Variants in TBC1D16 observed in about 807,000 individuals in gnomAD.
The protein encoded by TBC1D16 is TBC1 domain family member 16, also known as CTD-2529O21.1.
Under a neutral mutation model 74.7 loss-of-function variants are expected in TBC1D16, and 58 were observed. The observed-to-expected ratio is 0.78, with a 90% CI of 0.63 to 0.97. The LOEUF (loss-of-function observed/expected upper bound fraction) is 0.97. Among genes scored for constraint, TBC1D16 ranks in the 50% least tolerant of loss-of-function variants. The probability of loss-of-function intolerance (pLI) is 0.00; values close to 1 mark genes in which losing one functional copy is unlikely to be tolerated. For synonymous variants in TBC1D16, 493 were observed against 474.7 expected (o/e 1.04, Z -0.50); for missense variants, 1,014 against 1,079.5 (o/e 0.94, Z 0.85).
chr17:80,010,552 C>T lies in TBC1D16; in HGVS notation c.387G>A (p.Glu129=). Residue 129 remains glutamate, a synonymous_variant, in exon 3 of 12, where the codon GAG becomes GAA. Transcript: ENST00000310924. This position sits in a 1 kb window ranked among gnomAD's most constrained non-coding sequence, Gnocchi z 8.8. ...SGASHQPSPT[E]LRPTLTPKDE... ...CTTTGGGGGTCAGGGTAGGCCGCAG[C>T]TCCGTCGGGGAGGGCTGGTGGGAGG... 1 of 1,608,398 alleles carries T rather than the reference C, an allele frequency of 6.2e-7. No homozygotes were observed. The highest frequency in any genetic ancestry group is 8.5e-7 in the Non-Finnish European group (1 of 1,178,122).
intron 3 of TBC1D16, among the ~76,000 whole-genome samples, chr17:80,006,392 C>G (rs2035680223): frequency 6.6e-6 from 1 of 152,172 alleles, no homozygotes; most frequent in Admixed American, 6.5e-5. Context: ...ATTTTTAAAG[C>G]TGCCCAGGGC....
chr17:79,949,045 G>A, intron 7 of TBC1D16, 39 bp from the exon 8 acceptor site: 1 of 1,612,190 alleles, frequency 6.2e-7, no homozygotes, highest in Non-Finnish European at 8.5e-7. Flanking sequence ...TCAGCGGGTG[G>A]CACCCAGAGG....
Position 80,010,813 on chromosome 17 carries a change from C to T in TBC1D16, c.182-56G>A, listed in dbSNP as rs1568634939. 1 of 1,323,152 alleles carries T rather than the reference C, an allele frequency of 7.6e-7. No homozygotes were observed. The highest frequency in any genetic ancestry group is 1.0e-6 in the Non-Finnish European group (1 of 998,738). The allele number at this position is 1,323,152 out of a possible 1,614,324, so 82.0% of individuals were successfully genotyped here. On this transcript the variant is annotated intron_variant, in intron 2 of 11. Coordinates refer to ENST00000310924, the MANE Select transcript of TBC1D16 (RefSeq NM_019020.4). This position sits in a 1 kb window ranked among gnomAD's most constrained non-coding sequence, Gnocchi z 8.8. ...AGGCCAGGAGGCTGTGGATGAGGCC[C>T]TTGTGGTACCTTTGGCGAGCTGCTC... is the stretch of plus-strand genomic sequence containing the variant.
intron 1 of TBC1D16, among the ~76,000 whole-genome samples, chr17:80,017,680 CAAAAAA>C (rs57336950): frequency 1.3e-4 from 11 of 84,852 alleles, no homozygotes; most frequent in South Asian, 4.3e-4. Context: ...GACTCCATCT[CAAAAAA>C]AAAAAAAAAA....
At chr17:80,019,439 A>ACCCC (rs71163907) in intron 1 of TBC1D16, among the ~76,000 whole-genome samples, 5 of 135,774 alleles carry the variant, frequency 3.7e-5, no homozygotes, top group Non-Finnish European at 4.6e-5. Flanking sequence ...CACCAGGACA[A>ACCCC]CCCCCCCCCG....
rs1486597307 is a variant in TBC1D16 at position 79,943,891 on chromosome 17, T to A, written c.1908+1017A>T. On this transcript the variant is annotated intron_variant, in intron 10 of 11. Transcript: ENST00000310924. Reference sequence around the variant, plus strand: ...ACGTGCAATGAGGCACGATTTTTTTTAATTCGGGAGTGGTGGGAATGAAGC... The same window carrying A: ...ACGTGCAATGAGGCACGATTTTTTTAAATTCGGGAGTGGTGGGAATGAAGC... 26 of 1,407,454 alleles carry A rather than the reference T, an allele frequency of 1.8e-5. No homozygotes were observed. The East Asian group carries it at 3.4e-4, about 18-fold the overall frequency. 87.2% of individuals were successfully genotyped at this position (1,407,454 alleles called of 1,614,324 possible). A position where few individuals can be genotyped will look rare whatever the true frequency, so the allele number is the denominator to read the frequency against.
intron 1 of TBC1D16, among the ~76,000 whole-genome samples, chr17:80,020,359 G>A (rs905413345): frequency 6.7e-6 from 1 of 149,720 alleles, no homozygotes. Context: ...TGAGGCGGGC[G>A]GATCACCTGA....
In TBC1D16 at chr17:79,980,596, G is replaced by A. The variant is rs8070875; in HGVS notation, c.780-27778C>T. On this transcript the variant is annotated intron_variant, in intron 3 of 11. Transcript: ENST00000310924. This position sits in a 1 kb window ranked among gnomAD's most constrained non-coding sequence, Gnocchi z 7.0. The stretch of plus-strand genomic sequence containing the variant: ...TGGTGCAGACAGTGTAGGGACTGGC[G>A]AAGAGACACAGTGGGTGGCAGGAAC... Among the ~76,000 whole-genome samples the A allele has an allele frequency of 6.4e-3, 973 of 152,310 alleles. 18 individuals are homozygous for A. Among genetic ancestry groups the A allele is most frequent in the African/African-American group, 0.023 (943 of 41,568 alleles).
chr17:79,969,025 A>G (rs1184582962), intron 3 of TBC1D16, among the ~76,000 whole-genome samples: 1 of 152,198 alleles, frequency 6.6e-6, no homozygotes, highest in Non-Finnish European at 1.5e-5. Flanking sequence ...AAATAGACAT[A>G]TCTCCAATGA....
rs2036242759 is a variant in TBC1D16 at position 80,020,341 on chromosome 17, T to G, written c.-62-6732A>C. On this transcript the variant is annotated intron_variant, in intron 1 of 11. Transcript: ENST00000310924. ...GCTCACGCCTGTAATCCCAGCACTT[T>G]GGAAGACTGAGGCGGGCGGATCACC... Among the ~76,000 whole-genome samples, 2 of 149,932 alleles carry G rather than the reference T, an allele frequency of 1.3e-5. 1 individual carries two copies. Among genetic ancestry groups the G allele is most frequent in the African/African-American group, 5.1e-5 (2 of 39,316 alleles).
rs769609287 is a variant in TBC1D16 at position 80,006,214 on chromosome 17, TTC to T, written c.779+3944_779+3945del. Among the ~76,000 whole-genome samples the T allele has an allele frequency of 1.0e-4, 15 of 147,736 alleles. No homozygotes were observed. The East Asian group carries it at 1.2e-3, about 12-fold the overall frequency. On this transcript the variant is annotated intron_variant, in intron 3 of 11. Coordinates refer to ENST00000310924, the MANE Select transcript of TBC1D16 (RefSeq NM_019020.4). ...GCTCTCTCTCGCTCTCTCGCTCTCTTTCTCTCTTTCTTTCTCTCTCTCTCTCT... is the reference window on the plus strand; with the variant it reads ...GCTCTCTCTCGCTCTCTCGCTCTCTTTCTCTTTCTTTCTCTCTCTCTCTCT...
chr17:80,011,942 A>G (rs1436389078), intron 2 of TBC1D16, among the ~76,000 whole-genome samples: 3 of 152,004 alleles, frequency 2.0e-5, no homozygotes, highest in Admixed American at 2.0e-4. Flanking sequence ...ACCTTTGCAG[A>G]TGAGCATTGA....
intron 3 of TBC1D16, among the ~76,000 whole-genome samples, chr17:79,964,859 C>A (rs4889939): frequency 0.15 from 23,052 of 151,836 alleles, 2,088 homozygotes; most frequent in East Asian, 0.38. Flanking sequence ...AAGTAGGTTG[C>A]AAAACTATAT....
At position 79,950,698 on chromosome 17, in the gene TBC1D16, C is replaced by T. The variant is rs1324544436; in HGVS notation, c.1090-120G>A. 5.8e-6 allele frequency: 9 copies of T among 1,543,386 alleles called. No individual in the cohort carries two copies. The highest frequency in any genetic ancestry group is 7.0e-6 in the Non-Finnish European group (8 of 1,143,072). ...TTCTGAAAGGAGGGCAAGGGCCGTC[C>T]CCTGCATACAAACCCCTAAATGGCG... is the stretch of plus-strand genomic sequence containing the variant. On this transcript the variant is annotated intron_variant, in intron 5 of 11. Coordinates refer to ENST00000310924, the MANE Select transcript of TBC1D16 (RefSeq NM_019020.4). The surrounding 1 kb of genome is among the most constrained non-coding windows in gnomAD (Gnocchi z 4.6).
rs9907228 is a variant in TBC1D16 at position 80,031,251 on chromosome 17, C to T, written c.-63+4544G>A. 4.2e-3 allele frequency among the ~76,000 whole-genome samples: 646 copies of T among 152,340 alleles called. 4 individuals are homozygous for T. Among genetic ancestry groups the T allele is most frequent in the African/African-American group, 0.015 (623 of 41,570 alleles). ...CTGCGGGGCCGCCGTGATTTCTCCT[C>T]GCAGCTGCGCTGAACTTCAAGTTAC... is the stretch of plus-strand genomic sequence containing the variant. On this transcript the variant is annotated intron_variant, in intron 1 of 11. Transcript: ENST00000310924.
At position 79,941,169 on chromosome 17, in the gene TBC1D16, C is replaced by T; in HGVS notation, c.2056-62G>A. ...GGACAGCCTGGCAGCCTAGGGTCCC[C>T]ATGGGAGTGGCCAAAGACAGCAACA... On this transcript the variant is annotated intron_variant, in intron 11 of 11. Coordinates refer to ENST00000310924, the MANE Select transcript of TBC1D16 (RefSeq NM_019020.4). This position sits in a 1 kb window ranked among gnomAD's most constrained non-coding sequence, Gnocchi z 4.3. 1 of 1,477,858 alleles carries T rather than the reference C, an allele frequency of 6.8e-7. No individual in the cohort carries two copies. The highest frequency in any genetic ancestry group is 9.1e-7 in the Non-Finnish European group (1 of 1,099,672). The allele number at this position is 1,477,858 out of a possible 1,614,324, so 91.5% of individuals were successfully genotyped here.
rs767826071 is a variant in TBC1D16, at chr17:80,013,467, G to A, written c.81C>T (p.Ser27=). 6.0e-5 allele frequency: 96 copies of A among 1,595,266 alleles called. No homozygotes were observed. Among genetic ancestry groups the A allele is most frequent in the Middle Eastern group, 3.3e-4 (2 of 6,026 alleles). ...LLTLTPGGSG[S]GSPSVLDGEI... ...CTCCATCCAGGACAGAGGGGGACCCGCTGCCGCTGCCACCGGGGGTGAGGG... is the reference window on the plus strand; with the variant it reads ...CTCCATCCAGGACAGAGGGGGACCCACTGCCGCTGCCACCGGGGGTGAGGG... Residue 27 remains serine (S), a synonymous_variant, in exon 2 of 12, where the codon AGC becomes AGT. Coordinates refer to ENST00000310924, the MANE Select transcript of TBC1D16 (RefSeq NM_019020.4).
At position 79,988,857 on chromosome 17, in the gene TBC1D16, C is replaced by A. The variant is rs746331327; in HGVS notation, c.779+21303G>T. 2.6e-5 allele frequency among the ~76,000 whole-genome samples: 4 copies of A among 152,202 alleles called. No homozygotes were observed. The highest frequency in any genetic ancestry group is 4.8e-5 in the African/African-American group (2 of 41,452). On this transcript the variant is annotated intron_variant, in intron 3 of 11. Coordinates refer to ENST00000310924, the MANE Select transcript of TBC1D16 (RefSeq NM_019020.4). This position sits in a 1 kb window ranked among gnomAD's most constrained non-coding sequence, Gnocchi z 5.7. Reference sequence around the variant, plus strand: ...CCCGTGGAAGTCCTCAGCCTGGTCCCGTCTTCTGGGCTCTGCTGGGCTGGA... The same window carrying A: ...CCCGTGGAAGTCCTCAGCCTGGTCCAGTCTTCTGGGCTCTGCTGGGCTGGA...
rs1229641211 is a variant in TBC1D16 at position 80,013,476 on chromosome 17, G to T, written c.72C>A (p.Gly24=). Residue 24 remains glycine (G), a synonymous_variant, in exon 2 of 12, where the codon GGC becomes GGA. Transcript: ENST00000310924. ...ASDLLTLTPG[G]SGSGSPSVLD... is the part of the protein sequence containing the mutation. Reference sequence around the variant, plus strand: ...GGACAGAGGGGGACCCGCTGCCGCTGCCACCGGGGGTGAGGGTCAGGAGGT... The same window carrying T: ...GGACAGAGGGGGACCCGCTGCCGCTTCCACCGGGGGTGAGGGTCAGGAGGT... 1.3e-6 allele frequency: 2 copies of T among 1,593,214 alleles called. No individual in the cohort carries two copies. The highest frequency in any genetic ancestry group is 1.8e-5 in the Admixed American group (1 of 56,150).
Sources: allele counts gnomAD v4.1 joint callset (sites outside exome capture counted in the v4.1 genomes callset), GRCh38; gene constraint gnomAD v4.1.1; non-coding constraint Gnocchi (gnomAD v3.1); transcripts MANE v1.5; gene names NCBI Gene and HGNC (gene_info 2026-07-23, HGNC 2026-07-21).